EFCAB6: variants seen among roughly 807,000 people sequenced by gnomAD.
EFCAB6 encodes the protein EF-hand calcium-binding domain-containing protein 6.
A neutral mutation model predicts 169.8 loss-of-function variants in EFCAB6; 156 were observed. That is an observed-to-expected ratio of 0.92 (90% CI 0.81 to 1.05). The LOEUF (loss-of-function observed/expected upper bound fraction) is 1.05. Ranked by LOEUF, EFCAB6 falls within the 50% of genes least tolerant of loss-of-function variation. The pLI is 0.00. For synonymous variants in EFCAB6, 698 were observed against 676.4 expected (o/e 1.03, Z -0.50); for missense variants, 1,800 against 1,829.1 (o/e 0.98, Z 0.29).
chr22:43,573,948 A>G (rs1447214695), intron 26 of EFCAB6, among the ~76,000 whole-genome samples: 2 of 152,204 alleles, frequency 1.3e-5, no homozygotes, highest in African/African-American at 4.8e-5. Context: ...AATTTCATAC[A>G]GTCCAACCCA....
At chr22:43,529,107 G>T in intron 31 of EFCAB6, 132 bp from the exon 32 acceptor site, 1 of 1,088,706 alleles carries the variant, frequency 9.2e-7, no homozygotes, top group Non-Finnish European at 1.3e-6. Flanking sequence ...CCTCCCATCT[G>T]TGCGCTCTCT....
chr22:43,584,956 T>C (rs956927973), intron 24 of EFCAB6, among the ~76,000 whole-genome samples: 7 of 152,180 alleles, frequency 4.6e-5, no homozygotes, highest in African/African-American at 1.7e-4. Context: ...TTTGCACCAA[T>C]AGCTACAGCA....
intron 5 of EFCAB6, among the ~76,000 whole-genome samples, chr22:43,757,982 T>G (rs778475216): frequency 4.3e-4 from 66 of 152,252 alleles, no homozygotes; most frequent in Non-Finnish European, 7.2e-4. Context: ...CTTACTGGAT[T>G]TCACTATTTG....
At position 43,538,805 on chromosome 22, in the gene EFCAB6, C is replaced by T. The variant is rs561546548; in HGVS notation, c.3880-1260G>A. The stretch of plus-strand genomic sequence containing the variant: ...CTCATCATGGCCTCCAGGCCTCCAG[C>T]CTCCTACTGCTGCTGTAACAGATTT... On this transcript the variant is annotated intron_variant, in intron 28 of 31. Transcript: ENST00000262726. Among the ~76,000 whole-genome samples the T allele has an allele frequency of 3.9e-5, 6 of 152,292 alleles. 1 individual carries two copies. Among genetic ancestry groups the T allele is most frequent in the African/African-American group, 1.4e-4 (6 of 41,574 alleles).
intron 30 of EFCAB6, among the ~76,000 whole-genome samples, chr22:43,531,599 G>A (rs892240180): frequency 6.6e-6 from 1 of 152,186 alleles, no homozygotes; most frequent in Non-Finnish European, 1.5e-5. Flanking sequence ...GCAACAATGC[G>A]TAACACATCT....
chr22:43,721,468 G>A (rs1228091482), intron 8 of EFCAB6, among the ~76,000 whole-genome samples: 1 of 152,100 alleles, frequency 6.6e-6, no homozygotes, highest in African/African-American at 2.4e-5. Context: ...CAAAGCTGAA[G>A]GCATCAGTCT....
chr22:43,589,082 G>A, intron 24 of EFCAB6, among the ~76,000 whole-genome samples: 1 of 151,888 alleles, frequency 6.6e-6, no homozygotes. Context: ...CTGCCTAAAA[G>A]TGAAAAATCA....
intron 20 of EFCAB6, among the ~76,000 whole-genome samples, chr22:43,622,904 A>G (rs2054204617): frequency 6.6e-6 from 1 of 152,228 alleles, no homozygotes; most frequent in East Asian, 1.9e-4. Context: ...ATAAAAGAAG[A>G]CAACGACACC....
chr22:43,783,171 T>C (rs1412212623), intron 2 of EFCAB6, among the ~76,000 whole-genome samples: 2 of 152,232 alleles, frequency 1.3e-5, no homozygotes, highest in Non-Finnish European at 2.9e-5. Flanking sequence ...CAGCCTATCA[T>C]GAAGAGGCAT....
chr22:43,740,058 A>G (rs1034455058), intron 6 of EFCAB6, among the ~76,000 whole-genome samples: 1 of 149,948 alleles, frequency 6.7e-6, no homozygotes, highest in Non-Finnish European at 1.5e-5. Context: ...GCTCCCCATG[A>G]CTGCTCAGCC....
chr22:43,600,290 C>A (rs1182902386), intron 22 of EFCAB6, 27 bp from the exon 23 acceptor site: 1 of 1,610,222 alleles, frequency 6.2e-7, no homozygotes, highest in African/African-American at 1.3e-5. Flanking sequence ...AAACAGAAAG[C>A]ACTTCTCAGT....
intron 13 of EFCAB6, among the ~76,000 whole-genome samples, chr22:43,674,261 T>C (rs2057624479): frequency 6.6e-6 from 1 of 152,232 alleles, no homozygotes. Flanking sequence ...ATTTTTCCAA[T>C]TCCTTCATTC....
chr22:43,530,181 G>T (rs952469402), intron 31 of EFCAB6, among the ~76,000 whole-genome samples: 1 of 152,232 alleles, frequency 6.6e-6, no homozygotes, highest in African/African-American at 2.4e-5. Flanking sequence ...GGAAGTTGCC[G>T]GAAGGGAATA....
intron 21 of EFCAB6, among the ~76,000 whole-genome samples, chr22:43,609,924 C>G (rs575688607): frequency 3.7e-4 from 57 of 152,182 alleles, no homozygotes; most frequent in Admixed American, 6.5e-4. Context: ...AGTGGTGATG[C>G]TCAGATCGGC....
At chr22:43,764,215 C>G (rs1016756887) in intron 5 of EFCAB6, among the ~76,000 whole-genome samples, 3 of 152,116 alleles carry the variant, frequency 2.0e-5, no homozygotes, top group East Asian at 1.9e-4. Context: ...TCCCTTCCCC[C>G]TCTAGTTGTC....
intron 9 of EFCAB6, among the ~76,000 whole-genome samples, chr22:43,713,584 G>C (rs1603265755): frequency 1.3e-5 from 2 of 152,166 alleles, no homozygotes; most frequent in African/African-American, 4.8e-5. Flanking sequence ...CATTGAGCCT[G>C]AGGGGCATGT....
chr22:43,535,071 T>A, intron 29 of EFCAB6, 199 bp from the exon 30 acceptor site: 1 of 584,146 alleles, frequency 1.7e-6, no homozygotes, highest in Non-Finnish European at 3.0e-6. Flanking sequence ...AGGGGGACCC[T>A]GAGTCCCGCT....
At chr22:43,647,811 C>T (rs1211712235) in intron 17 of EFCAB6, among the ~76,000 whole-genome samples, 3 of 152,144 alleles carry the variant, frequency 2.0e-5, no homozygotes, top group East Asian at 3.9e-4. Flanking sequence ...GTTGGAGCAA[C>T]GCAGCTACAG....
chr22:43,552,033 A>G (rs1000993471), intron 27 of EFCAB6: 2 of 152,016 alleles, frequency 1.3e-5, no homozygotes, highest in Admixed American at 1.3e-4. Flanking sequence ...GGGTTTCACC[A>G]TATTGGCCAG....
Sources: gnomAD v4.1 joint callset for allele counts (sites outside exome capture counted in the v4.1 genomes callset) on GRCh38, gnomAD v4.1.1 for gene constraint, MANE v1.5 for transcripts, NCBI Gene and HGNC (gene_info 2026-07-23, HGNC 2026-07-21) for gene names.